DNHD1: variants seen among roughly 807,000 people sequenced by gnomAD.
DNHD1 encodes the protein dynein heavy chain domain 1, also known as dynein heavy chain domain-containing protein 1.
Under a neutral mutation model 458.1 loss-of-function variants are expected in DNHD1, and 383 were observed. The ratio of observed to expected loss-of-function variants is 0.84; its 90% CI spans 0.77 to 0.91. The LOEUF is 0.91. DNHD1 is among the 40% of genes least tolerant of loss of function. The pLI is 0.00. For missense variants in DNHD1, 5,336 were observed against 5,866.1 expected (o/e 0.91, Z 2.95); for synonymous variants, 2,203 against 2,376.9 (o/e 0.93, Z 2.13).
chr11:6,526,015 A>G (rs2344831), intron 10 of DNHD1, among the ~76,000 whole-genome samples: 42,308 of 147,662 alleles, frequency 0.29, 6,452 homozygotes, highest in Non-Finnish European at 0.35. Context: ...TACGGTTTTT[A>G]ATATTTGTTC....
chr11:6,528,404 GGTGTGTGTGTGTGTGTGT>G, intron 10 of DNHD1, 100 bp from the exon 11 acceptor site: 4 of 880,198 alleles, frequency 4.5e-6, no homozygotes, highest in Non-Finnish European at 6.7e-6. Flanking sequence ...GCAGCGAATG[GGTGTGTGTGTGTGTGTGT>G]GTGTGTGTGT....
Position 6,544,632 on chromosome 11 carries a change from T to C in DNHD1, c.3813T>C (p.Val1271=). ...AGAAGTGGATTTTTCTGAATAAAGT[T>C]CTGCATGAGATGAAGATCCAGTTTC... ...FQQKWIFLNK[V]LHEMKIQFPN... Residue 1271 remains valine (V), a synonymous_variant, in exon 20 of 43, where the codon GTT becomes GTC. Transcript: ENST00000254579. 6.4e-7 allele frequency: 1 copy of C among 1,551,582 alleles called. No individual in the cohort carries two copies. The highest frequency in any genetic ancestry group is 8.7e-7 in the Non-Finnish European group (1 of 1,146,968).
At chr11:6,525,256 T>C (rs1852687715) in intron 10 of DNHD1, among the ~76,000 whole-genome samples, 1 of 152,204 alleles carries the variant, frequency 6.6e-6, no homozygotes, top group African/African-American at 2.4e-5. Context: ...GACTCACTTT[T>C]ACATCTCACC....
intron 18 of DNHD1, 32 bp from the exon 19 acceptor site, chr11:6,544,089 T>G (rs567378421): frequency 7.4e-6 from 11 of 1,493,104 alleles, no homozygotes; most frequent in African/African-American, 1.4e-5. Flanking sequence ...CCTTGCCTCA[T>G]CTGACTGCCA....
Position 6,539,872 on chromosome 11 carries a change from C to T in DNHD1, c.3421-4C>T, listed in dbSNP as rs1232376218. 6.4e-7 allele frequency: 1 copy of T among 1,551,672 alleles called. No individual in the cohort carries two copies. Among genetic ancestry groups the T allele is most frequent in the Non-Finnish European group, 8.7e-7 (1 of 1,146,946 alleles). ...TCCTGGTTCCTGAGACCCAGCTGTT[C>T]CAGGTCTGGCAGAATGAAAATGAAC... On this transcript the variant is annotated splice_polypyrimidine_tract_variant and splice_region_variant and intron_variant, in intron 17 of 42. Coordinates refer to ENST00000254579, the MANE Select transcript of DNHD1 (RefSeq NM_144666.3).
Position 6,520,103 on chromosome 11 carries a change from G to T in DNHD1, c.1785+1G>T. ...GTCTGTCAAGACCTCTGCCTTGCAG[G>T]TATTCTGAATTGGGCAGAGAGCTGG... On this transcript the variant is annotated splice_donor_variant, in intron 9 of 42. Transcript: ENST00000254579. LOFTEE classifies it high-confidence loss of function. 2 of 1,614,180 alleles carry T rather than the reference G, an allele frequency of 1.2e-6. No individual in the cohort carries two copies. Among genetic ancestry groups the T allele is most frequent in the Non-Finnish European group, 1.7e-6 (2 of 1,180,030 alleles).
At chr11:6,552,349 C>G (rs1853372874) in intron 24 of DNHD1, among the ~76,000 whole-genome samples, 1 of 151,880 alleles carries the variant, frequency 6.6e-6, no homozygotes, top group African/African-American at 2.4e-5. Context: ...CATGGTGAAA[C>G]CCCATCTCTA....
Position 6,509,031 on chromosome 11 carries a change from C to A in DNHD1, c.1072C>A (p.Leu358Ile). ...WHHHCVLWQQ[L>I]QFIPFFKYCL... Reference sequence around the variant, plus strand: ...CCATCACTGTGTTCTCTGGCAGCAGCTCCAGTTCATTCCATTCTTTAAGTA... The same window carrying A: ...CCATCACTGTGTTCTCTGGCAGCAGATCCAGTTCATTCCATTCTTTAAGTA... Residue 358 changes from leucine to isoleucine, a missense_variant, in exon 5 of 43, where the codon CTC becomes ATC. By Grantham distance (5) the Leu-to-Ile change is conservative. Transcript: ENST00000254579. The A allele has an allele frequency of 6.2e-7, 1 of 1,614,250 alleles. No individual in the cohort carries two copies. Among genetic ancestry groups the A allele is most frequent in the Non-Finnish European group, 8.5e-7 (1 of 1,180,044 alleles).
At chr11:6,512,457 T>A (rs71490197) in intron 7 of DNHD1, among the ~76,000 whole-genome samples, 1 of 151,524 alleles carries the variant, frequency 6.6e-6, no homozygotes, top group South Asian at 2.1e-4. Context: ...CTCCTGACCT[T>A]GTGATCCGCC....
rs1376974192 is a variant in DNHD1, at chr11:6,538,447, A to G, written c.3063A>G (p.Ile1021Met). 1.3e-6 allele frequency: 2 copies of G among 1,551,648 alleles called. No homozygotes were observed. Among genetic ancestry groups the G allele is most frequent in the Admixed American group, 2.0e-5 (1 of 50,984 alleles). ...GTCCTATTGTGCAGCAGCAGCGCAT[A>G]TGGCACCTGTACCGAGTCATCTCCG... ...GTRPIVQQQR[I>M]WHLYRVISEN... The change falls in exon 15 of 43, where the codon ATA becomes ATG. Residue 1021 changes from isoleucine to methionine, a missense_variant. Physicochemically the swap from Ile to Met is conservative, Grantham distance 10. Coordinates refer to ENST00000254579, the MANE Select transcript of DNHD1 (RefSeq NM_144666.3).
chr11:6,528,491 T>C (rs1485166930), intron 10 of DNHD1, 31 bp from the exon 11 acceptor site: 2 of 1,533,034 alleles, frequency 1.3e-6, no homozygotes, highest in East Asian at 2.5e-5. Context: ...TGGAGGGTAC[T>C]CACGGACAAT....
rs1853245893 is a variant in DNHD1 at position 6,547,411 on chromosome 11, A to G, written c.6472A>G (p.Ser2158Gly). 1.3e-6 allele frequency: 2 copies of G among 1,551,632 alleles called. No individual in the cohort carries two copies. The highest frequency in any genetic ancestry group is 1.4e-5 in the African/African-American group (1 of 73,062). The change falls in exon 21 of 43, where the codon AGT becomes GGT. Residue 2158 changes from serine (S) to glycine (G), a missense_variant. Physicochemically the swap from Ser to Gly is moderately conservative, Grantham distance 56. Transcript: ENST00000254579. ...AGAGCAGACTTGGCAGTGTATACTT[A>G]GTGCCCTGATGGCATCCCTTCCTTA... is the stretch of plus-strand genomic sequence containing the variant. ...GGEQTWQCIL[S>G]ALMASLPYEY... is the part of the protein sequence containing the mutation.
chr11:6,553,300 A>G (rs1258961880), intron 24 of DNHD1, among the ~76,000 whole-genome samples: 1 of 152,214 alleles, frequency 6.6e-6, no homozygotes, highest in East Asian at 1.9e-4. Context: ...CAAAATTCCA[A>G]CACTATTCCA....
Position 6,548,059 on chromosome 11 carries a change from G to C in DNHD1, c.6905+19G>C, listed in dbSNP as rs556381977. On this transcript the variant is annotated intron_variant, in intron 22 of 42. Coordinates refer to ENST00000254579, the MANE Select transcript of DNHD1 (RefSeq NM_144666.3). The surrounding 1 kb of genome is among the most constrained non-coding windows in gnomAD (Gnocchi z 4.4). ...CCTCCAGGTACCTACCAGGATGGGG[G>C]ATGGGAGATGCAGAGGGCTGAGATG... The C allele has an allele frequency of 2.9e-5, 45 of 1,551,688 alleles. No homozygotes were observed. In the Admixed American group the frequency reaches 6.7e-4, roughly 23 times the overall value.
At chr11:6,570,554 AC>A in intron 41 of DNHD1, 63 bp from the exon 42 acceptor site, 5 of 1,501,944 alleles carry the variant, frequency 3.3e-6, no homozygotes, top group Non-Finnish European at 4.5e-6. Context: ...AGGAAGGCCT[AC>A]TCTCTCGAGT....
Position 6,539,832 on chromosome 11 carries a change from G to A in DNHD1, c.3421-44G>A, listed in dbSNP as rs748895105. 49 of 1,534,268 alleles carry A rather than the reference G, an allele frequency of 3.2e-5. No individual in the cohort carries two copies. The African/African-American group carries it at 4.4e-4, about 14-fold the overall frequency. On this transcript the variant is annotated intron_variant, in intron 17 of 42. Coordinates refer to ENST00000254579, the MANE Select transcript of DNHD1 (RefSeq NM_144666.3). Reference sequence around the variant, plus strand: ...AAGTCTCGGCTCCAAGCCTGTCCCCGAAGCAGTTACCCAGTCCTGGTTCCT... The same window carrying A: ...AAGTCTCGGCTCCAAGCCTGTCCCCAAAGCAGTTACCCAGTCCTGGTTCCT...
chr11:6,564,667 T>C lies in DNHD1; in HGVS notation c.10619T>C (p.Leu3540Pro). The change falls in exon 32 of 43, where the codon CTT (leucine) becomes CCT (proline). Residue 3540 changes from leucine to proline, a missense_variant. By Grantham distance (98) the Leu-to-Pro change is moderately conservative. Transcript: ENST00000254579. ...AAGTCGGCCCACCTGGCAGGCTTGC[T>C]TCTGCGAAGCCCCACACACTACAGT... ...QAKSAHLAGL[L>P]LRSPTHYSSC... The C allele has an allele frequency of 1.3e-6, 2 of 1,551,734 alleles. No individual in the cohort carries two copies. Among genetic ancestry groups the C allele is most frequent in the South Asian group, 1.2e-5 (1 of 84,070 alleles).
At chr11:6,549,102 C>T in intron 24 of DNHD1, 169 bp downstream of exon 24, 2 of 712,692 alleles carry the variant, frequency 2.8e-6, no homozygotes, top group East Asian at 2.7e-5. Flanking sequence ...CCCATCCACT[C>T]TCATGGCCTC....
chr11:6,547,754 G>T, intron 21 of DNHD1, 88 bp downstream of exon 21: 3 of 1,482,942 alleles, frequency 2.0e-6, no homozygotes, highest in Non-Finnish European at 2.7e-6. Context: ...TGTGTTCTTT[G>T]GTGGATCTGG....
Sources: allele counts gnomAD v4.1 joint callset (sites outside exome capture counted in the v4.1 genomes callset), GRCh38; gene constraint gnomAD v4.1.1; non-coding constraint Gnocchi (gnomAD v3.1); transcripts MANE v1.5; gene names NCBI Gene and HGNC (gene_info 2026-07-23, HGNC 2026-07-21).